The following FBXO31 variants were observed in gnomAD, a reference collection of about 807,000 sequenced individuals.
FBXO31 encodes F-box only protein 31.
A neutral mutation model predicts 54.4 loss-of-function variants in FBXO31; 24 were observed. The observed-to-expected ratio is 0.44, with a 90% CI of 0.32 to 0.62. The LOEUF (loss-of-function observed/expected upper bound fraction) is 0.62, where lower values mean the gene tolerates loss of function less well. Ranked by LOEUF, FBXO31 falls within the 20% of genes least tolerant of loss-of-function variation. The pLI, the probability that FBXO31 is intolerant of heterozygous loss-of-function variation, is 0.05. For missense variants in FBXO31, 665 were observed against 787.1 expected (o/e 0.84, Z 1.86); for synonymous variants, 388 against 335.6 (o/e 1.16, Z -1.71).
At chr16:87,370,200 G>A (rs780305892) in intron 1 of FBXO31, among the ~76,000 whole-genome samples, 32 of 152,158 alleles carry the variant, frequency 2.1e-4, no homozygotes, top group Non-Finnish European at 4.0e-4. Context: ...CATCTGCTTC[G>A]TGAGCACCCC....
intron 1 of FBXO31, among the ~76,000 whole-genome samples, chr16:87,375,525 G>A (rs1351705743): frequency 6.6e-6 from 1 of 151,992 alleles, no homozygotes; most frequent in African/African-American, 2.4e-5. Context: ...AATGAACAGT[G>A]CCAAAATGGG....
At chr16:87,376,337 G>T (rs985196769) in intron 1 of FBXO31, among the ~76,000 whole-genome samples, 1 of 151,254 alleles carries the variant, frequency 6.6e-6, no homozygotes, top group Non-Finnish European at 1.5e-5. Context: ...GCAGTGGCGC[G>T]ATCTCAGCTC....
chr16:87,346,188 AG>A lies in FBXO31; in HGVS notation c.489+985del, dbSNP rs1286247772. ...GGAATGAGAACGGGACGCTTCCCCA[AG>A]CCTGAGACGCGCGCATACCCCGGGC... On this transcript the variant is annotated intron_variant, in intron 3 of 8. Coordinates refer to ENST00000311635, the MANE Select transcript of FBXO31 (RefSeq NM_024735.5). This position sits in a 1 kb window ranked among gnomAD's most constrained non-coding sequence, Gnocchi z 4.2. Among the ~76,000 whole-genome samples the A allele has an allele frequency of 1.3e-5, 2 of 152,186 alleles. No homozygotes were observed. The highest frequency in any genetic ancestry group is 6.5e-5 in the Admixed American group (1 of 15,282).
intron 1 of FBXO31, among the ~76,000 whole-genome samples, chr16:87,365,010 A>AATAAATATATATATAT (rs1906294219): frequency 6.3e-5 from 3 of 47,684 alleles, no homozygotes; most frequent in Admixed American, 5.5e-4. Context: ...CCGTCTCTTA[A>AATAAATATATATATAT]ATATATATAT....
chr16:87,370,089 G>A (rs915581796), intron 1 of FBXO31, among the ~76,000 whole-genome samples: 1 of 152,132 alleles, frequency 6.6e-6, no homozygotes, highest in African/African-American at 2.4e-5. Context: ...GCCTGAATGG[G>A]GCCTGCATCT....
At chr16:87,333,852 C>T (rs1236106212) in intron 8 of FBXO31, 34 bp downstream of exon 8, 1 of 1,555,446 alleles carries the variant, frequency 6.4e-7, no homozygotes, top group African/African-American at 1.4e-5. Context: ...CATGCTGTCC[C>T]ACCTTCAGGC....
At position 87,336,126 on chromosome 16, in the gene FBXO31, C is replaced by T. The variant is rs368771919; in HGVS notation, c.842+29G>A. The stretch of plus-strand genomic sequence containing the variant: ...CCCAGCACACACCAGGAGAGGGCTA[C>T]CCCAGCACCGAGCAGGAGCCGCACT... On this transcript the variant is annotated intron_variant, in intron 6 of 8. Coordinates refer to ENST00000311635, the MANE Select transcript of FBXO31 (RefSeq NM_024735.5). This position sits in a 1 kb window ranked among gnomAD's most constrained non-coding sequence, Gnocchi z 6.5. 2 of 1,592,040 alleles carry T rather than the reference C, an allele frequency of 1.3e-6. No homozygotes were observed. Among genetic ancestry groups the T allele is most frequent in the African/African-American group, 1.3e-5 (1 of 74,508 alleles).
chr16:87,350,205 A>AGCAGG, intron 2 of FBXO31, among the ~76,000 whole-genome samples: 1 of 152,148 alleles, frequency 6.6e-6, no homozygotes, highest in Admixed American at 6.5e-5. Flanking sequence ...AGGAAGATGG[A>AGCAGG]GCAGGGAGGG....
intron 5 of FBXO31, among the ~76,000 whole-genome samples, chr16:87,337,046 C>T (rs1451231225): frequency 6.6e-6 from 1 of 152,194 alleles, no homozygotes; most frequent in African/African-American, 2.4e-5. Context: ...TACATCACTG[C>T]TCCAAACTCC....
rs1377693012 is a variant in FBXO31, at chr16:87,336,305, A to T, written c.733-41T>A. On this transcript the variant is annotated intron_variant, in intron 5 of 8. Transcript: ENST00000311635. This position sits in a 1 kb window ranked among gnomAD's most constrained non-coding sequence, Gnocchi z 6.5. The stretch of plus-strand genomic sequence containing the variant: ...AGGTCATGAATATCCATATGACAGG[A>T]GGCTGTGAAGAGGCTGCCGGCTGTG... 6.3e-7 allele frequency: 1 copy of T among 1,584,278 alleles called. No homozygotes were observed. Among genetic ancestry groups the T allele is most frequent in the African/African-American group, 1.3e-5 (1 of 74,404 alleles).
At chr16:87,377,967 G>A (rs750544287) in intron 1 of FBXO31, among the ~76,000 whole-genome samples, 3 of 152,074 alleles carry the variant, frequency 2.0e-5, no homozygotes, top group Admixed American at 6.6e-5. Context: ...AGACCAGCCT[G>A]ACCAACCTGG....
At chr16:87,372,199 A>G (rs1043457705) in intron 1 of FBXO31, among the ~76,000 whole-genome samples, 5 of 152,158 alleles carry the variant, frequency 3.3e-5, no homozygotes, top group Non-Finnish European at 7.4e-5. Flanking sequence ...ACTGCAGTCT[A>G]GGCAACAGAG....
At chr16:87,374,378 C>G (rs1906733286) in intron 1 of FBXO31, among the ~76,000 whole-genome samples, 1 of 152,142 alleles carries the variant, frequency 6.6e-6, no homozygotes, top group East Asian at 1.9e-4. Context: ...CCTACAGCTG[C>G]GCAAAATCAT....
chr16:87,376,913 A>T (rs1000734331), intron 1 of FBXO31, among the ~76,000 whole-genome samples: 1 of 152,250 alleles, frequency 6.6e-6, no homozygotes, highest in Non-Finnish European at 1.5e-5. Context: ...GACCCGATCT[A>T]TCTCATATAC....
chr16:87,356,206 G>T (rs1372587708), intron 2 of FBXO31, among the ~76,000 whole-genome samples: 1 of 149,988 alleles, frequency 6.7e-6, no homozygotes, highest in Non-Finnish European at 1.5e-5. Flanking sequence ...TCCAGCCTGG[G>T]TGACAGAGTG....
intron 2 of FBXO31, among the ~76,000 whole-genome samples, chr16:87,353,305 C>T (rs117269464): frequency 0.011 from 1,707 of 152,286 alleles, 8 homozygotes; most frequent in Non-Finnish European, 0.018. Context: ...TCCAGGATGC[C>T]CCCCTTGCCT....
chr16:87,342,374 GGGC>G (rs1320687976), intron 5 of FBXO31, among the ~76,000 whole-genome samples: 1 of 152,138 alleles, frequency 6.6e-6, no homozygotes, highest in Non-Finnish European at 1.5e-5. Flanking sequence ...TATTTTGAGA[GGGC>G]AGTAAGACTT....
chr16:87,383,690 G>A lies in FBXO31; in HGVS notation c.55C>T (p.Arg19Cys). ...TCGGCCGGGCCCCGGCGCTGCTGGCGGCGCCGACATCCGCGCGACGGGCCC... is the reference window on the plus strand; with the variant it reads ...TCGGCCGGGCCCCGGCGCTGCTGGCAGCGCCGACATCCGCGCGACGGGCCC... ...GVGPSRGCRRRQQRRGPAETA... is the reference protein window; with the variant it reads ...GVGPSRGCRRCQQRRGPAETA... Residue 19 changes from arginine to cysteine, a missense_variant, in exon 1 of 9, where the codon CGC becomes TGC. Physicochemically the swap from Arg to Cys is radical, Grantham distance 180. This residue lies in a region of FBXO31 where 195 missense variants were observed against 174.8 expected (regional missense o/e 1.12). Transcript: ENST00000311635. This position sits in a 1 kb window ranked among gnomAD's most constrained non-coding sequence, Gnocchi z 4.9. The A allele has an allele frequency of 1.6e-6, 2 of 1,274,686 alleles. No individual in the cohort carries two copies. Among genetic ancestry groups the A allele is most frequent in the South Asian group, 2.7e-5 (1 of 37,192 alleles). 79.0% of individuals were successfully genotyped at this position (1,274,686 alleles called of 1,614,324 possible). A position where few individuals can be genotyped will look rare whatever the true frequency, so the allele number is the denominator to read the frequency against.
chr16:87,347,145 A>G, intron 3 of FBXO31, 29 bp downstream of exon 3: 1 of 1,606,460 alleles, frequency 6.2e-7, no homozygotes, highest in African/African-American at 1.3e-5. Flanking sequence ...GCCCGTGCAC[A>G]GACCTCGTCG....
Sources: allele counts gnomAD v4.1 joint callset (sites outside exome capture counted in the v4.1 genomes callset), GRCh38; gene constraint gnomAD v4.1.1; regional missense constraint gnomAD v4.1.1; non-coding constraint Gnocchi (gnomAD v3.1); transcripts MANE v1.5; gene names NCBI Gene and HGNC (gene_info 2026-07-23, HGNC 2026-07-21).